The following SH3YL1 variants were observed in gnomAD, a reference collection of about 807,000 sequenced individuals.
SH3YL1 encodes SH3 domain-containing YSC84-like protein 1.
Under a neutral mutation model 45.8 loss-of-function variants are expected in SH3YL1, and 41 were observed. The observed-to-expected ratio is 0.89, with a 90% confidence interval of 0.70 to 1.16. The LOEUF (loss-of-function observed/expected upper bound fraction) is 1.16, where lower values mean the gene tolerates loss of function less well. Among genes scored for constraint, SH3YL1 ranks in the 50% most tolerant of loss-of-function variants. The pLI is 0.00. For missense variants in SH3YL1, 389 were observed against 409.6 expected (o/e 0.95, Z 0.43); for synonymous variants, 152 against 151.4 (o/e 1.00, Z -0.03).
At chr2:220,653 G>A (rs530470101) in intron 9 of SH3YL1, among the ~76,000 whole-genome samples, 1 of 152,302 alleles carries the variant, frequency 6.6e-6, no homozygotes, top group South Asian at 2.1e-4. Flanking sequence ...AGGCGCTCAC[G>A]CCGTGCTTCC....
intron 8 of SH3YL1, among the ~76,000 whole-genome samples, chr2:225,625 G>A (rs1298166306): frequency 1.3e-5 from 2 of 152,216 alleles, no homozygotes; most frequent in Non-Finnish European, 2.9e-5. Context: ...GGTGGGATGG[G>A]AAAAGGATAC....
rs974136868 is a variant in SH3YL1, at chr2:264,017, G to C, written c.-33C>G. ...GCCCGGCCGCGGCGCCCCGTCCCGA[G>C]GCTGCCCAGGAAGAGGAAGGCGCGC... On this transcript the variant is annotated 5_prime_UTR_variant, in exon 1 of 10. Coordinates refer to ENST00000356150, the MANE Select transcript of SH3YL1 (RefSeq NM_015677.4). 5 of 1,431,956 alleles carry C rather than the reference G, an allele frequency of 3.5e-6. No individual in the cohort carries two copies. The African/African-American group carries it at 7.5e-5, about 21-fold the overall frequency. 88.7% of individuals were successfully genotyped at this position (1,431,956 alleles called of 1,614,324 possible).
chr2:234,342 ACACT>A (rs1668191101), intron 4 of SH3YL1, 70 bp from the exon 5 acceptor site: 2 of 1,086,130 alleles, frequency 1.8e-6, no homozygotes. Context: ...ATCTTGACTA[ACACT>A]CAACTACACC....
rs528162867 is a variant in SH3YL1 at position 243,585 on chromosome 2, C to T, written c.291+3953G>A. On this transcript the variant is annotated intron_variant, in intron 4 of 9. Transcript: ENST00000356150. ...TGTCTATTAAAAAAAAAACAGACCT[C>T]GAGTCGGTAACCTGAACTACCTATC... The T allele has an allele frequency of 1.8e-4, 270 of 1,519,214 alleles. No individual in the cohort carries two copies. In the African/African-American group the frequency reaches 3.2e-3, roughly 18 times the overall value. The allele number at this position is 1,519,214 out of a possible 1,614,324, so 94.1% of individuals were successfully genotyped here. A position where few individuals can be genotyped will look rare whatever the true frequency, so the allele number is the denominator to read the frequency against.
intron 1 of SH3YL1, among the ~76,000 whole-genome samples, chr2:258,387 C>T (rs1669448164): frequency 6.6e-6 from 1 of 152,052 alleles, no homozygotes; most frequent in Admixed American, 6.6e-5. Context: ...TAGCTGTATT[C>T]TTAGGTATTT....
At chr2:242,252 A>C (rs1216533569) in intron 4 of SH3YL1, 2 of 152,198 alleles carry the variant, frequency 1.3e-5, no homozygotes, top group South Asian at 2.1e-4. Context: ...TCAATGAGTA[A>C]ATACTTGCTC....
intron 1 of SH3YL1, chr2:259,490 A>T (rs926978197): frequency 1.3e-5 from 2 of 152,026 alleles, no homozygotes; most frequent in African/African-American, 4.8e-5. Flanking sequence ...CTATCTTACA[A>T]GGGTCTTTTA....
At chr2:253,442 C>T (rs1027110187) in intron 1 of SH3YL1, among the ~76,000 whole-genome samples, 11 of 152,218 alleles carry the variant, frequency 7.2e-5, no homozygotes, top group South Asian at 2.1e-4. Flanking sequence ...GTCATCTTCA[C>T]TGCTCATTAT....
At chr2:231,246 G>A in intron 6 of SH3YL1, 55 bp from the exon 7 acceptor site, 3 of 1,351,164 alleles carry the variant, frequency 2.2e-6, no homozygotes, top group Non-Finnish European at 3.1e-6. Flanking sequence ...CTTTTCTAGA[G>A]TTAAACATAG....
Position 253,239 on chromosome 2 carries a change from G to A in SH3YL1, c.2-124C>T, listed in dbSNP as rs975087812. The A allele has an allele frequency of 4.9e-6, 3 of 613,308 alleles. No individual in the cohort carries two copies. In the African/African-American group the frequency reaches 5.6e-5, roughly 11 times the overall value. 38.0% of individuals were successfully genotyped at this position (613,308 alleles called of 1,614,324 possible). On this transcript the variant is annotated intron_variant, in intron 1 of 9. Coordinates refer to ENST00000356150, the MANE Select transcript of SH3YL1 (RefSeq NM_015677.4). ...GTTCAAACCAGAGGGACTCCATTTT[G>A]AATAGGAGCTGGGTGAAATAAGGCT...
chr2:255,864 T>C (rs892638437), intron 1 of SH3YL1: 1 of 152,234 alleles, frequency 6.6e-6, no homozygotes. Flanking sequence ...ACAAGTGGCA[T>C]CACAGCATTA....
Position 224,739 on chromosome 2 carries a change from A to C in SH3YL1, c.838+125T>G, listed in dbSNP as rs965277481. On this transcript the variant is annotated intron_variant, in intron 9 of 9. Transcript: ENST00000356150. ...ATGAAGTACTTCTCAAAAGAATGTG[A>C]ATATTCTATAAATTAAAGGGCTGAA... 18 of 728,920 alleles carry C rather than the reference A, an allele frequency of 2.5e-5. No homozygotes were observed. In the Admixed American group the frequency reaches 4.0e-4, roughly 16 times the overall value. 45.2% of individuals were successfully genotyped at this position (728,920 alleles called of 1,614,324 possible).
At position 245,428 on chromosome 2, in the gene SH3YL1, A is replaced by C. The variant is rs548980921; in HGVS notation, c.291+2110T>G. On this transcript the variant is annotated intron_variant, in intron 4 of 9. Transcript: ENST00000356150. The stretch of plus-strand genomic sequence containing the variant: ...AAATGGCAAGCCTAAATAAGCTGCA[A>C]AGATGAAGAAGATATTAAAAATAAA... Among the ~76,000 whole-genome samples, 175 of 152,348 alleles carry C rather than the reference A, an allele frequency of 1.1e-3. 1 individual carries two copies. The Middle Eastern group carries it at 0.014, about 12-fold the overall frequency.
At chr2:262,713 A>G in intron 1 of SH3YL1, 1 of 1,293,480 alleles carries the variant, frequency 7.7e-7, no homozygotes, top group African/African-American at 1.5e-5. Context: ...GACTGCCTCA[A>G]CTTCCTATGT....
intron 1 of SH3YL1, 99 bp downstream of exon 1, chr2:263,885 C>T: frequency 9.6e-7 from 1 of 1,039,484 alleles, no homozygotes; most frequent in Non-Finnish European, 1.5e-6. Flanking sequence ...CCTAGAAACC[C>T]CAGAGGCATC....
At position 234,251 on chromosome 2, in the gene SH3YL1, G is replaced by T; in HGVS notation, c.313C>A (p.Leu105Met). ...GIEVSDLVII[L>M]NYDRAVEAFA... Reference sequence around the variant, plus strand: ...GCTTCTACAGCACGGTCATAATTCAGAATTATCACCAAGTCTGATACCTAA... The same window carrying T: ...GCTTCTACAGCACGGTCATAATTCATAATTATCACCAAGTCTGATACCTAA... The change falls in exon 5 of 10, where the codon CTG (leucine) becomes ATG (methionine). Residue 105 changes from leucine (L) to methionine (M), a missense_variant. Physicochemically the swap from Leu to Met is conservative, Grantham distance 15 (BLOSUM62 2). Transcript: ENST00000356150. 1 of 1,613,532 alleles carries T rather than the reference G, an allele frequency of 6.2e-7. No homozygotes were observed.
chr2:233,052 C>A, intron 6 of SH3YL1, 49 bp downstream of exon 6: 1 of 1,476,134 alleles, frequency 6.8e-7, no homozygotes, highest in South Asian at 1.4e-5. Flanking sequence ...TTTTGAAGTA[C>A]TATTTTCTCA....
intron 4 of SH3YL1, among the ~76,000 whole-genome samples, chr2:246,726 G>A (rs549225537): frequency 6.6e-6 from 1 of 152,256 alleles, no homozygotes; most frequent in South Asian, 2.1e-4. Flanking sequence ...GTACAAAAAT[G>A]CAGTCATGAT....
intron 3 of SH3YL1, among the ~76,000 whole-genome samples, chr2:248,745 C>T (rs1668945899): frequency 6.6e-6 from 1 of 152,136 alleles, no homozygotes. Flanking sequence ...AATGGGCTCC[C>T]TTGGAATGTG....
Sources: gnomAD v4.1 joint callset for allele counts (sites outside exome capture counted in the v4.1 genomes callset) on GRCh38, gnomAD v4.1.1 for gene constraint, MANE v1.5 for transcripts, NCBI Gene and HGNC (gene_info 2026-07-23, HGNC 2026-07-21) for gene names.